Variants in MYH11 observed in about 807,000 individuals in gnomAD.
The protein encoded by MYH11 is myosin-11.
Under a neutral mutation model 246.6 loss-of-function variants are expected in MYH11, and 80 were observed. The observed-to-expected ratio is 0.32, with a 90% CI of 0.27 to 0.39. The LOEUF (loss-of-function observed/expected upper bound fraction) is 0.39, where lower values mean the gene tolerates loss of function less well. Ranked by LOEUF, MYH11 falls within the 10% of genes least tolerant of loss-of-function variation. MYH11 has a pLI of 1.00. For missense variants in MYH11, 2,158 were observed against 2,546.8 expected, an observed-to-expected ratio of 0.85 and a Z score of 3.29; for synonymous variants, 1,071 against 1,015.5, an observed-to-expected ratio of 1.05 and a Z score of -1.04.
intron 14 of MYH11, 101 bp from the exon 15 acceptor site, chr16:15,753,609 G>T: frequency 2.2e-6 from 2 of 897,970 alleles, no homozygotes; most frequent in Non-Finnish European, 3.7e-6. Flanking sequence ...GATCTTCTGA[G>T]GTCAGAGAGG....
At chr16:15,761,114 A>G (rs1343671923) in intron 10 of MYH11, among the ~76,000 whole-genome samples, 2 of 151,956 alleles carry the variant, frequency 1.3e-5, no homozygotes, top group African/African-American at 4.8e-5. Flanking sequence ...TTGTTTATTT[A>G]TTTATTTATT....
rs140704052 is a variant in MYH11, at chr16:15,853,398, C to A, written c.-18+3543G>T. On this transcript the variant is annotated intron_variant, in intron 1 of 40. Transcript: ENST00000300036. ...AACTCCTGACTTCAAGCCATCCCCCCACCTCAGCCTCCCAAATTGCTGGGA... is the reference window on the plus strand; with the variant it reads ...AACTCCTGACTTCAAGCCATCCCCCAACCTCAGCCTCCCAAATTGCTGGGA... Among the ~76,000 whole-genome samples, 542 of 152,194 alleles carry A rather than the reference C, an allele frequency of 3.6e-3. 6 individuals are homozygous for A. The highest frequency in any genetic ancestry group is 0.013 in the African/African-American group (525 of 41,518).
intron 11 of MYH11, 94 bp from the exon 12 acceptor site, chr16:15,759,822 G>C: frequency 6.7e-7 from 1 of 1,494,114 alleles, no homozygotes; most frequent in Non-Finnish European, 9.1e-7. Context: ...TCTTGGCCGG[G>C]TGCAGTGACT....
intron 10 of MYH11, 55 bp downstream of exon 10, chr16:15,763,741 T>TCCGGCG: frequency 1.5e-6 from 1 of 646,862 alleles, no homozygotes; most frequent in Non-Finnish European, 2.9e-6. Context: ...AAATGTCACC[T>TCCGGCG]CCCCCACCCC....
At position 15,750,402 on chromosome 16, in the gene MYH11, C is replaced by T. The variant is rs1317348925; in HGVS notation, c.1865-71G>A. On this transcript the variant is annotated intron_variant, in intron 15 of 40. Transcript: ENST00000300036. This position sits in a 1 kb window ranked among gnomAD's most constrained non-coding sequence, Gnocchi z 4.3. Reference sequence around the variant, plus strand: ...CCTAAATAGGCCAGAGGCTCAGCCCCAGCCCCACCCACCAACCTGCCCACT... The same window carrying T: ...CCTAAATAGGCCAGAGGCTCAGCCCTAGCCCCACCCACCAACCTGCCCACT... 7 of 1,448,846 alleles carry T rather than the reference C, an allele frequency of 4.8e-6. No individual in the cohort carries two copies. Among genetic ancestry groups the T allele is most frequent in the Non-Finnish European group, 6.6e-6 (7 of 1,066,236 alleles). 89.7% of individuals were successfully genotyped at this position (1,448,846 alleles called of 1,614,324 possible).
intron 28 of MYH11, chr16:15,725,312 AG>A (rs2040699619): frequency 1.9e-5 from 11 of 564,988 alleles, no homozygotes. Flanking sequence ...ATCCCTGCCA[AG>A]GTTGGTAGAG....
At chr16:15,799,737 A>G (rs1163171092) in intron 3 of MYH11, among the ~76,000 whole-genome samples, 1 of 152,210 alleles carries the variant, frequency 6.6e-6, no homozygotes, top group Non-Finnish European at 1.5e-5. Context: ...CTGGTAGACA[A>G]TGCCACAGTG....
chr16:15,775,934 T>G, intron 8 of MYH11, 144 bp downstream of exon 8: 1 of 739,710 alleles, frequency 1.4e-6, no homozygotes, highest in Non-Finnish European at 2.5e-6. Flanking sequence ...TGGGAGGAGA[T>G]GAAGAACTGT....
chr16:15,818,732 G>A (rs1055232241), intron 3 of MYH11, among the ~76,000 whole-genome samples: 7 of 151,820 alleles, frequency 4.6e-5, no homozygotes, highest in African/African-American at 1.5e-4. Flanking sequence ...CACCGTGCCC[G>A]ATTCTTTTTA....
Position 15,719,314 on chromosome 16 carries a change from T to C in MYH11, c.5083-6A>G. On this transcript the variant is annotated splice_region_variant and splice_polypyrimidine_tract_variant and intron_variant, in intron 35 of 40. Transcript: ENST00000300036. Reference sequence around the variant, plus strand: ...CTCTCAGCGGCGGCGAGGTCCTAGGTGGGAGGGAGGAAGGCTGTTGTCTGC... The same window carrying C: ...CTCTCAGCGGCGGCGAGGTCCTAGGCGGGAGGGAGGAAGGCTGTTGTCTGC... 1 of 1,609,478 alleles carries C rather than the reference T, an allele frequency of 6.2e-7. No homozygotes were observed. Among genetic ancestry groups the C allele is most frequent in the South Asian group, 1.1e-5 (1 of 90,968 alleles).
In MYH11 at chr16:15,750,810, G is replaced by A. The variant is rs1260465646; in HGVS notation, c.1865-479C>T. Among the ~76,000 whole-genome samples the A allele has an allele frequency of 6.6e-6, 1 of 152,040 alleles. No homozygotes were observed. The highest frequency in any genetic ancestry group is 2.4e-5 in the African/African-American group (1 of 41,386). ...CACTGCTGTGAACAAAAAAAGACCCGGCCCCCTCACCCCGCTTATATCACA... is the reference window on the plus strand; with the variant it reads ...CACTGCTGTGAACAAAAAAAGACCCAGCCCCCTCACCCCGCTTATATCACA... On this transcript the variant is annotated intron_variant, in intron 15 of 40. Coordinates refer to ENST00000300036, the MANE Select transcript of MYH11 (RefSeq NM_002474.3). This position sits in a 1 kb window ranked among gnomAD's most constrained non-coding sequence, Gnocchi z 4.3.
At chr16:15,706,779 C>A (rs548468013) in intron 40 of MYH11, among the ~76,000 whole-genome samples, 2 of 152,234 alleles carry the variant, frequency 1.3e-5, no homozygotes, top group East Asian at 3.9e-4. Flanking sequence ...TAGGCACTCT[C>A]TTTTTGGCTC....
chr16:15,707,042 CTG>C (rs1237043132), intron 40 of MYH11, among the ~76,000 whole-genome samples: 1 of 152,002 alleles, frequency 6.6e-6, no homozygotes, highest in African/African-American at 2.4e-5. Flanking sequence ...CCTGGAGAAT[CTG>C]GAATTTTTTT....
rs1785999631 is a variant in MYH11, at chr16:15,782,588, A to G, written c.634-111T>C. ...GCCCTTAACCCACAGGTTCTCTCCTATCTCCTACCTCCTCTTAGACCCTGA... is the reference window on the plus strand; with the variant it reads ...GCCCTTAACCCACAGGTTCTCTCCTGTCTCCTACCTCCTCTTAGACCCTGA... On this transcript the variant is annotated intron_variant, in intron 5 of 40. Coordinates refer to ENST00000300036, the MANE Select transcript of MYH11 (RefSeq NM_002474.3). 2.3e-5 allele frequency: 18 copies of G among 776,276 alleles called. 2 individuals carry two copies. Among genetic ancestry groups the G allele is most frequent in the Middle Eastern group, 4.5e-4 (2 of 4,454 alleles). The allele number at this position is 776,276 out of a possible 1,614,324, so 48.1% of individuals were successfully genotyped here.
chr16:15,800,035 G>A (rs185353782), intron 3 of MYH11, among the ~76,000 whole-genome samples: 1 of 151,840 alleles, frequency 6.6e-6, no homozygotes, highest in East Asian at 2.0e-4. Context: ...TGGGTGGGTG[G>A]GTGGATGAAT....
At chr16:15,821,970 T>C (rs1361799535) in intron 3 of MYH11, among the ~76,000 whole-genome samples, 2 of 152,094 alleles carry the variant, frequency 1.3e-5, no homozygotes, top group African/African-American at 4.8e-5. Context: ...GCCATCACTT[T>C]ACAACCTGAG....
chr16:15,709,396 C>T (rs977030858), intron 40 of MYH11, among the ~76,000 whole-genome samples: 1 of 151,868 alleles, frequency 6.6e-6, no homozygotes, highest in African/African-American at 2.4e-5. Flanking sequence ...CTCACTGCAA[C>T]CTCCACCTCC....
In MYH11 at chr16:15,717,248, C is replaced by G. The variant is rs776016983; in HGVS notation, c.5396G>C (p.Ser1799Thr). ...QLERQNKELR[S>T]KLHEMEGAVK... ...GGCCCCCTCCATCTCGTGGAGCTTG[C>G]TCCGGAGCTCCTTGTTCTGCCGCTC... Residue 1799 changes from serine to threonine, a missense_variant, in exon 38 of 41, where the codon AGC (serine) becomes ACC (threonine). Transcript: ENST00000300036. 2 of 1,614,188 alleles carry G rather than the reference C, an allele frequency of 1.2e-6. No individual in the cohort carries two copies. The highest frequency in any genetic ancestry group is 4.5e-5 in the East Asian group (2 of 44,884).
At chr16:15,847,479 C>T (rs942811120) in intron 1 of MYH11, among the ~76,000 whole-genome samples, 1 of 152,106 alleles carries the variant, frequency 6.6e-6, no homozygotes, top group Admixed American at 6.5e-5. Context: ...GTCTTGAACT[C>T]CTGACCTCAA....
Sources: gnomAD v4.1 joint callset for allele counts (sites outside exome capture counted in the v4.1 genomes callset) on GRCh38, gnomAD v4.1.1 for gene constraint, Gnocchi (gnomAD v3.1) non-coding constraint, MANE v1.5 for transcripts, NCBI Gene and HGNC (gene_info 2026-07-23, HGNC 2026-07-21) for gene names.